Variants in UNC13C observed in about 807,000 individuals in gnomAD.
UNC13C encodes the protein unc-13 homolog C, also known as protein unc-13 homolog C.
In UNC13C, 174 loss-of-function variants were observed where a neutral mutation model predicts 245.4. The observed-to-expected ratio is 0.71, with a 90% CI of 0.63 to 0.80. The LOEUF is 0.80. UNC13C is among the 30% of genes least tolerant of loss of function. The probability of loss-of-function intolerance (pLI) is 0.00; values close to 1 mark genes in which losing one functional copy is unlikely to be tolerated. For synonymous variants in UNC13C, 992 were observed against 895.1 expected, an observed-to-expected ratio of 1.11 and a Z score of -1.93; for missense variants, 2,829 against 2,602.9, an observed-to-expected ratio of 1.09 and a Z score of -1.89.
the UNC13C span, among the ~76,000 whole-genome samples, chr15:53,845,107 C>T: frequency 2.0e-5 from 3 of 152,030 alleles, no homozygotes; most frequent in East Asian, 5.8e-4. Context: ...GGGTGGATCA[C>T]GAGGTCAGGA....
At position 54,297,837 on chromosome 15, in the gene UNC13C, T is replaced by C. The variant is rs2037476273; in HGVS notation, c.4015T>C (p.Ser1339Pro). The C allele has an allele frequency of 1.9e-6, 3 of 1,610,202 alleles. No individual in the cohort carries two copies. Among genetic ancestry groups the C allele is most frequent in the Non-Finnish European group, 2.5e-6 (3 of 1,178,132 alleles). The part of the protein sequence containing the change: ...LEKRTDKSAV[S>P]GAIRLKINVE... Reference sequence around the variant, plus strand: ...GAAAAGGACAGATAAGTCAGCTGTATCTGGGGCCATACGATTGAAAATCAA... The same window carrying C: ...GAAAAGGACAGATAAGTCAGCTGTACCTGGGGCCATACGATTGAAAATCAA... Residue 1339 changes from serine to proline, a missense_variant, in exon 12 of 33, where the codon TCT becomes CCT. Ser to Pro is a moderately conservative substitution (Grantham distance 74). Transcript: ENST00000260323.
rs1243356325 is a variant in UNC13C, at chr15:54,455,204, T to TCTCTCTCTCC, written c.4934-39402_4934-39401insCTCTCTCCCT. Among the ~76,000 whole-genome samples the TCTCTCTCTCC allele has an allele frequency of 1.1e-4, 6 of 53,810 alleles. No homozygotes were observed. In the East Asian group the frequency reaches 3.0e-3, roughly 27 times the overall value. 35.3% of individuals were successfully genotyped at this position (53,810 alleles called of 152,430 possible). A position where few individuals can be genotyped will look rare whatever the true frequency, so the allele number is the denominator to read the frequency against. On this transcript the variant is annotated intron_variant, in intron 19 of 32. Transcript: ENST00000260323. ...CTCTCTCTCTCTCTCTCTCTCTCTC[T>TCTCTCTCTCC]CTATATATATATATATATATATATA...
chr15:54,495,671 T>C (rs1893916506), intron 20 of UNC13C, among the ~76,000 whole-genome samples: 1 of 151,970 alleles, frequency 6.6e-6, no homozygotes, highest in Admixed American at 6.6e-5. Context: ...GAAAGTAATA[T>C]TTTAAAAAAA....
At chr15:54,105,947 G>A (rs1470308067) in intron 2 of UNC13C, among the ~76,000 whole-genome samples, 1 of 152,212 alleles carries the variant, frequency 6.6e-6, no homozygotes, top group Admixed American at 6.5e-5. Context: ...GATTGGCAGA[G>A]TTGCAGTTCA....
intron 19 of UNC13C, among the ~76,000 whole-genome samples, chr15:54,474,889 AG>A (rs2141049539): frequency 6.6e-6 from 1 of 152,072 alleles, no homozygotes; most frequent in Non-Finnish European, 1.5e-5. Context: ...AGAGGAGAAA[AG>A]AGAGAGGGAA....
chr15:54,483,997 T>C (rs1893270357), intron 19 of UNC13C, among the ~76,000 whole-genome samples: 1 of 152,052 alleles, frequency 6.6e-6, no homozygotes. Context: ...AGTTATCTTC[T>C]GGAAGTGGTC....
chr15:54,447,708 C>G (rs1890898364), intron 19 of UNC13C, among the ~76,000 whole-genome samples: 1 of 152,160 alleles, frequency 6.6e-6, no homozygotes, highest in South Asian at 2.1e-4. Context: ...TTTTGTTGAT[C>G]TTTTCAAAAA....
chr15:54,154,606 C>T (rs148676447), intron 4 of UNC13C, among the ~76,000 whole-genome samples: 65 of 152,192 alleles, frequency 4.3e-4, no homozygotes, highest in African/African-American at 1.5e-3. Context: ...GCAACATTTC[C>T]GTTTTTTCCC....
intron 2 of UNC13C, among the ~76,000 whole-genome samples, chr15:54,027,300 A>C (rs941899973): frequency 6.6e-6 from 1 of 152,222 alleles, no homozygotes; most frequent in African/African-American, 2.4e-5. Context: ...CACTATGGAA[A>C]GCCATGGAAG....
chr15:54,206,444 T>A (rs1022691778), intron 4 of UNC13C, among the ~76,000 whole-genome samples: 1 of 152,146 alleles, frequency 6.6e-6, no homozygotes, highest in African/African-American at 2.4e-5. Flanking sequence ...TTAGCATTTC[T>A]TAAAGAAAAT....
chr15:54,250,900 G>A (rs1447142099), intron 8 of UNC13C, among the ~76,000 whole-genome samples: 1 of 151,632 alleles, frequency 6.6e-6, no homozygotes, highest in Non-Finnish European at 1.5e-5. Context: ...GGGACTACAG[G>A]CACATGCCAC....
At chr15:54,250,050 A>G (rs1410545207) in intron 7 of UNC13C, among the ~76,000 whole-genome samples, 175 bp from the exon 8 acceptor site, 1 of 151,982 alleles carries the variant, frequency 6.6e-6, no homozygotes, top group Non-Finnish European at 1.5e-5. Context: ...ACATTGAGAG[A>G]AGAATAGGTT....
At position 54,171,502 on chromosome 15, in the gene UNC13C, G is replaced by A. The variant is rs556009603; in HGVS notation, c.3071+27818G>A. Among the ~76,000 whole-genome samples, 3 of 152,128 alleles carry A rather than the reference G, an allele frequency of 2.0e-5. No homozygotes were observed. In the East Asian group the frequency reaches 5.8e-4, roughly 29 times the overall value. On this transcript the variant is annotated intron_variant, in intron 4 of 32. Transcript: ENST00000260323. The stretch of plus-strand genomic sequence containing the variant: ...AAATGGCAAACAGGTATATGAAAAA[G>A]TGCTCAATGTCATTGATCACCAGGG...
At chr15:54,537,290 C>T (rs1896026668) in intron 26 of UNC13C, among the ~76,000 whole-genome samples, 2 of 151,938 alleles carry the variant, frequency 1.3e-5, no homozygotes, top group African/African-American at 4.8e-5. Flanking sequence ...GGTGAAAGAT[C>T]TCTAGAACAA....
intron 13 of UNC13C, among the ~76,000 whole-genome samples, chr15:54,319,283 G>T (rs1596210834): frequency 1.4e-5 from 2 of 144,980 alleles, no homozygotes; most frequent in Non-Finnish European, 1.5e-5. Context: ...GTAATTACTT[G>T]TGAATTGTTG....
intron 5 of UNC13C, among the ~76,000 whole-genome samples, chr15:54,235,353 T>C (rs552261216): frequency 4.2e-4 from 64 of 152,292 alleles, no homozygotes; most frequent in African/African-American, 1.5e-3. Flanking sequence ...ACTATGACCC[T>C]AATAATTGGA....
chr15:54,166,817 T>C (rs1310144874), intron 4 of UNC13C, among the ~76,000 whole-genome samples: 2 of 152,090 alleles, frequency 1.3e-5, no homozygotes, highest in African/African-American at 4.8e-5. Flanking sequence ...AACAGAAACA[T>C]TTATGAGGGA....
the UNC13C span, among the ~76,000 whole-genome samples, chr15:53,847,676 A>AT: frequency 1.4e-4 from 22 of 152,032 alleles, no homozygotes; most frequent in African/African-American, 5.1e-4. Flanking sequence ...TCATTAGCTA[A>AT]TTTTTTATAT....
chr15:54,104,546 C>A (rs1425374448), intron 2 of UNC13C, among the ~76,000 whole-genome samples: 1 of 151,846 alleles, frequency 6.6e-6, no homozygotes, highest in Non-Finnish European at 1.5e-5. Flanking sequence ...TTCTGAACTC[C>A]TTTTCTCAGT....
Sources: allele counts gnomAD v4.1 joint callset (sites outside exome capture counted in the v4.1 genomes callset), GRCh38; gene constraint gnomAD v4.1.1; transcripts MANE v1.5; gene names NCBI Gene and HGNC (gene_info 2026-07-23, HGNC 2026-07-21).